Variants in RFX3 observed in about 807,000 individuals in gnomAD.
The protein encoded by RFX3 is transcription factor RFX3.
RFX3 carries 14 observed loss-of-function variants against 98.6 expected under a neutral mutation model. The observed-to-expected ratio is 0.14, with a 90% CI of 0.09 to 0.22. The LOEUF is 0.22. Among genes scored for constraint, RFX3 ranks in the 10% least tolerant of loss-of-function variants. RFX3 has a pLI of 1.00. For missense variants in RFX3, 639 were observed against 926.9 expected (o/e 0.69, Z 4.03); for synonymous variants, 383 against 328.4 (o/e 1.17, Z -1.80).
At chr9:3,311,588 A>G (rs141176942) in intron 4 of RFX3, among the ~76,000 whole-genome samples, 51 of 152,352 alleles carry the variant, frequency 3.3e-4, no homozygotes, top group South Asian at 6.2e-4. Context: ...GGTACCTGTT[A>G]GAAATGCTAA....
chr9:3,412,754 A>C (rs1842564537), intron 1 of RFX3, among the ~76,000 whole-genome samples: 1 of 152,126 alleles, frequency 6.6e-6, no homozygotes, highest in African/African-American at 2.4e-5. Context: ...GGAAACTTAT[A>C]ACTAGCTTTG....
chr9:3,505,179 AATATATATATGAATATATATTTAT>A (rs1816815873), intron 1 of RFX3, among the ~76,000 whole-genome samples: 1 of 81,136 alleles, frequency 1.2e-5, no homozygotes, highest in African/African-American at 5.7e-5. Context: ...TATTCATATA[AATATATATATGAATATATATTTAT>A]ATATATATGA....
intron 2 of RFX3, among the ~76,000 whole-genome samples, chr9:3,378,087 A>G (rs1345748347): frequency 6.6e-6 from 1 of 152,250 alleles, no homozygotes; most frequent in African/African-American, 2.4e-5. Flanking sequence ...TTACAGCACA[A>G]TATACACTTG....
intron 4 of RFX3, among the ~76,000 whole-genome samples, chr9:3,313,573 C>T (rs774710746): frequency 3.9e-5 from 6 of 152,174 alleles, no homozygotes; most frequent in Non-Finnish European, 8.8e-5. Flanking sequence ...ACAAACTTCT[C>T]TGAGCTAAAG....
intron 2 of RFX3, among the ~76,000 whole-genome samples, chr9:3,369,995 ATTTTT>A (rs71324244): frequency 2.3e-5 from 3 of 132,642 alleles, no homozygotes; most frequent in African/African-American, 8.8e-5. Flanking sequence ...CGCCCGGCTA[ATTTTT>A]TTTTTTTTTT....
chr9:3,524,508 T>C, intron 1 of RFX3: 2 of 983,282 alleles, frequency 2.0e-6, no homozygotes, highest in Non-Finnish European at 2.4e-6. Context: ...TCATACATTC[T>C]TTATGAACTT....
chr9:3,271,971 G>A (rs1824548542), intron 9 of RFX3, among the ~76,000 whole-genome samples: 1 of 151,582 alleles, frequency 6.6e-6, no homozygotes, highest in Admixed American at 6.6e-5. Context: ...CAAATCTCGG[G>A]GGCCTCACCT....
At chr9:3,444,502 T>A (rs746998333) in intron 1 of RFX3, among the ~76,000 whole-genome samples, 1 of 152,130 alleles carries the variant, frequency 6.6e-6, no homozygotes, top group Non-Finnish European at 1.5e-5. Flanking sequence ...ACTATCTTGA[T>A]TGTACTGTTA....
At chr9:3,260,292 A>G (rs1430326006) in intron 13 of RFX3, among the ~76,000 whole-genome samples, 3 of 151,998 alleles carry the variant, frequency 2.0e-5, no homozygotes, top group African/African-American at 4.8e-5. Context: ...AAAATAGAGG[A>G]AAAGAAAGGG....
chr9:3,381,891 A>G (rs1219778694), intron 2 of RFX3, among the ~76,000 whole-genome samples: 1 of 152,122 alleles, frequency 6.6e-6, no homozygotes, highest in Non-Finnish European at 1.5e-5. Context: ...AAAAAGTTAT[A>G]TATATTACTA....
intron 1 of RFX3, among the ~76,000 whole-genome samples, chr9:3,447,307 A>AT (rs766220020): frequency 1.3e-5 from 2 of 152,156 alleles, no homozygotes; most frequent in Admixed American, 6.5e-5. Context: ...AAAAGAAGCA[A>AT]TTTTAAACTC....
chr9:3,444,425 T>C (rs1465056536), intron 1 of RFX3, among the ~76,000 whole-genome samples: 1 of 151,836 alleles, frequency 6.6e-6, no homozygotes, highest in Non-Finnish European at 1.5e-5. Flanking sequence ...TAGATCTTGG[T>C]GGGGCAGGGA....
At chr9:3,392,572 T>G (rs1490659931) in intron 2 of RFX3, among the ~76,000 whole-genome samples, 1 of 151,466 alleles carries the variant, frequency 6.6e-6, no homozygotes, top group Non-Finnish European at 1.5e-5. Context: ...ATGAAAAAAC[T>G]GAATAAAGTT....
At chr9:3,353,567 T>C (rs1835406459) in intron 2 of RFX3, among the ~76,000 whole-genome samples, 1 of 152,000 alleles carries the variant, frequency 6.6e-6, no homozygotes, top group Admixed American at 6.6e-5. Context: ...ATTCTGTAGA[T>C]ATACCAGAAG....
intron 1 of RFX3, among the ~76,000 whole-genome samples, chr9:3,503,541 C>A (rs1314332615): frequency 1.3e-5 from 2 of 151,956 alleles, no homozygotes; most frequent in Admixed American, 6.6e-5. Flanking sequence ...GTATCTGACA[C>A]CAAACTGAAA....
intron 2 of RFX3, among the ~76,000 whole-genome samples, chr9:3,391,434 T>C (rs1215190803): frequency 3.3e-5 from 5 of 151,980 alleles, no homozygotes; most frequent in Non-Finnish European, 7.4e-5. Context: ...AAAAACTGCG[T>C]GAAATAAAAC....
At chr9:3,408,920 T>C (rs1016884788) in intron 1 of RFX3, among the ~76,000 whole-genome samples, 4 of 152,242 alleles carry the variant, frequency 2.6e-5, no homozygotes, top group African/African-American at 7.2e-5. Flanking sequence ...TTTTGCCAAA[T>C]GGCCAATTTG....
chr9:3,356,910 T>C (rs1024357875), intron 2 of RFX3, among the ~76,000 whole-genome samples: 10 of 150,638 alleles, frequency 6.6e-5, no homozygotes, highest in Non-Finnish European at 1.5e-4. Context: ...AGAAAAGCAT[T>C]TGACAAAACT....
intron 1 of RFX3, among the ~76,000 whole-genome samples, chr9:3,445,503 G>A (rs1177064461): frequency 6.6e-6 from 1 of 152,092 alleles, no homozygotes; most frequent in African/African-American, 2.4e-5. Flanking sequence ...AGCCCATCTG[G>A]CTTCATAATC....
Sources: gnomAD v4.1 joint callset for allele counts (sites outside exome capture counted in the v4.1 genomes callset) on GRCh38, gnomAD v4.1.1 for gene constraint, MANE v1.5 for transcripts, NCBI Gene and HGNC (gene_info 2026-07-23, HGNC 2026-07-21) for gene names.